RHOQ: variants seen among roughly 807,000 people sequenced by gnomAD.
RHOQ encodes the protein ras homolog family member Q.
Under a neutral mutation model 25.8 loss-of-function variants are expected in RHOQ, and 7 were observed. That is an observed-to-expected ratio of 0.27 (90% CI 0.15 to 0.51). RHOQ has a LOEUF of 0.51. Among genes scored for constraint, RHOQ ranks in the 20% least tolerant of loss-of-function variants. RHOQ has a pLI of 0.97. For missense variants in RHOQ, 165 were observed against 260.6 expected, an observed-to-expected ratio of 0.63 and a Z score of 2.53; for synonymous variants, 97 against 98.6, an observed-to-expected ratio of 0.98 and a Z score of 0.10.
intron 2 of RHOQ, chr2:46,568,606 A>C (rs1423078013): frequency 6.6e-6 from 1 of 152,212 alleles, no homozygotes; most frequent in South Asian, 2.1e-4. Context: ...CTCACTAGTC[A>C]TGCGGGCCTG....
intron 2 of RHOQ, among the ~76,000 whole-genome samples, chr2:46,565,588 C>T (rs937980772): frequency 6.6e-6 from 1 of 152,174 alleles, no homozygotes; most frequent in Non-Finnish European, 1.5e-5. Flanking sequence ...ACATCAGCAG[C>T]CTGAGAAATT....
In RHOQ at chr2:46,576,540, T is replaced by A. The variant is rs764911792; in HGVS notation, c.367-21T>A. On this transcript the variant is annotated intron_variant, in intron 3 of 4. Transcript: ENST00000238738. The surrounding 1 kb of genome is among the most constrained non-coding windows in gnomAD (Gnocchi z 5.1). ...TAAAGATTTGTAATATTATGGGACA[T>A]TATTGACCTTTCTTAATTAGATTGA... The A allele has an allele frequency of 7.8e-6, 11 of 1,415,832 alleles. No homozygotes were observed. The East Asian group carries it at 2.5e-4, about 32-fold the overall frequency. 87.7% of individuals were successfully genotyped at this position (1,415,832 alleles called of 1,614,324 possible).
rs1326467268 is a variant in RHOQ at position 46,577,669 on chromosome 2, C to T, written c.462+1013C>T. On this transcript the variant is annotated intron_variant, in intron 4 of 4. Transcript: ENST00000238738. ...TGGCCTCATGATCTGCCCACCTCAT[C>T]CTCCCAAAGTGCTAGGATTACAGGC... Among the ~76,000 whole-genome samples, 4 of 148,816 alleles carry T rather than the reference C, an allele frequency of 2.7e-5. No individual in the cohort carries two copies. The East Asian group carries it at 8.0e-4, about 30-fold the overall frequency.
Position 46,580,917 on chromosome 2 carries a change from C to T in RHOQ, c.463-11C>T, listed in dbSNP as rs138693997. 2.0e-6 allele frequency: 3 copies of T among 1,465,272 alleles called. No homozygotes were observed. Among genetic ancestry groups the T allele is most frequent in the Admixed American group, 2.6e-5 (1 of 38,644 alleles). 90.8% of individuals were successfully genotyped at this position (1,465,272 alleles called of 1,614,324 possible). A position where few individuals can be genotyped will look rare whatever the true frequency, so the allele number is the denominator to read the frequency against. On this transcript the variant is annotated splice_polypyrimidine_tract_variant and intron_variant, in intron 4 of 4. Coordinates refer to ENST00000238738, the MANE Select transcript of RHOQ (RefSeq NM_012249.4). ...ATCTTATATATTTGTGATTTTTTTT[C>T]TCCCTCCCAGATAGGAGCATGCTGC...
chr2:46,551,639 TAGAA>T (rs1475238904), intron 2 of RHOQ, among the ~76,000 whole-genome samples: 4 of 152,174 alleles, frequency 2.6e-5, no homozygotes, highest in East Asian at 3.9e-4. Context: ...TTGATTTTAA[TAGAA>T]AGAAAAGAAT....
At position 46,584,469 on chromosome 2, in the gene RHOQ, T is replaced by C. The variant is rs976855981; in HGVS notation, c.*3386T>C. ...ATTGTATTTTAATCATTTTGTAATT[T>C]CAGTATGGCTCTTTGTTCTCAAACA... is the stretch of plus-strand genomic sequence containing the variant. On this transcript the variant is annotated 3_prime_UTR_variant, in exon 5 of 5. Transcript: ENST00000238738. 6.6e-5 allele frequency among the ~76,000 whole-genome samples: 10 copies of C among 152,186 alleles called. No individual in the cohort carries two copies. The highest frequency in any genetic ancestry group is 1.5e-4 in the Non-Finnish European group (10 of 68,010).
Position 46,583,434 on chromosome 2 carries a change from T to TA in RHOQ, c.*2356dup, listed in dbSNP as rs910784090. Among the ~76,000 whole-genome samples, 18 of 152,254 alleles carry TA rather than the reference T, an allele frequency of 1.2e-4. No homozygotes were observed. The highest frequency in any genetic ancestry group is 4.3e-4 in the African/African-American group (18 of 41,578). ...TTTCAGCTTCACATTCTCAAGATGG[T>TA]AAAAATCATGTATATAGATTATCAG... is the stretch of plus-strand genomic sequence containing the variant. On this transcript the variant is annotated 3_prime_UTR_variant, in exon 5 of 5. Coordinates refer to ENST00000238738, the MANE Select transcript of RHOQ (RefSeq NM_012249.4).
intron 2 of RHOQ, among the ~76,000 whole-genome samples, chr2:46,572,034 G>C (rs1034341533): frequency 9.3e-5 from 14 of 149,848 alleles, no homozygotes; most frequent in Non-Finnish European, 1.2e-4. Context: ...GGCATTGGAA[G>C]AGCTTTTGTT....
At position 46,576,123 on chromosome 2, in the gene RHOQ, A is replaced by T. The variant is rs557488131; in HGVS notation, c.238A>T (p.Met80Leu). The change falls in exon 3 of 5, where the codon ATG becomes TTG. Residue 80 changes from methionine (M) to leucine (L), a missense_variant. Coordinates refer to ENST00000238738, the MANE Select transcript of RHOQ (RefSeq NM_012249.4). This position sits in a 1 kb window ranked among gnomAD's most constrained non-coding sequence, Gnocchi z 5.1. ...YDRLRPLSYP[M>L]TDVFLICFSV... ...CCGTCTGAGGCCTTTATCTTACCCA[A>T]TGACCGATGTCTTCCTTATATGCTT... The T allele has an allele frequency of 1.4e-5, 23 of 1,611,266 alleles. No homozygotes were observed. The highest frequency in any genetic ancestry group is 2.0e-5 in the Non-Finnish European group (23 of 1,178,880).
chr2:46,544,862 G>T (rs1572731939), intron 2 of RHOQ, among the ~76,000 whole-genome samples: 2 of 152,296 alleles, frequency 1.3e-5, no homozygotes. Flanking sequence ...ATGATCCCCT[G>T]GTGCAGATAT....
At position 46,576,492 on chromosome 2, in the gene RHOQ, G is replaced by T; in HGVS notation, c.367-69G>T. On this transcript the variant is annotated intron_variant, in intron 3 of 4. Coordinates refer to ENST00000238738, the MANE Select transcript of RHOQ (RefSeq NM_012249.4). The surrounding 1 kb of genome is among the most constrained non-coding windows in gnomAD (Gnocchi z 5.1). Reference sequence around the variant, plus strand: ...TTTTTGGTATGTGGGAATTAAGTGGGATTACATGCTTTGATTTTTCTTTAA... The same window carrying T: ...TTTTTGGTATGTGGGAATTAAGTGGTATTACATGCTTTGATTTTTCTTTAA... 1.0e-6 allele frequency: 1 copy of T among 1,002,670 alleles called. No homozygotes were observed. Among genetic ancestry groups the T allele is most frequent in the South Asian group, 1.5e-5 (1 of 65,236 alleles). The allele number at this position is 1,002,670 out of a possible 1,614,324, so 62.1% of individuals were successfully genotyped here.
intron 4 of RHOQ, among the ~76,000 whole-genome samples, chr2:46,578,194 G>T (rs1669203035): frequency 6.6e-6 from 1 of 152,002 alleles, no homozygotes; most frequent in South Asian, 2.1e-4. Flanking sequence ...TATAGAATTG[G>T]CAAAAAATGA....
In RHOQ at chr2:46,551,469, G is replaced by A. The variant is rs72875690; in HGVS notation, c.201+7657G>A. Among the ~76,000 whole-genome samples, 271 of 152,200 alleles carry A rather than the reference G, an allele frequency of 1.8e-3. 1 individual carries two copies. The highest frequency in any genetic ancestry group is 6.1e-3 in the African/African-American group (252 of 41,518). On this transcript the variant is annotated intron_variant, in intron 2 of 4. Transcript: ENST00000238738. ...TGGGAAGAATAGTGTAGGGAGGAAC[G>A]GCAGAGGGGGTGACCCCAAAGCGTC...
chr2:46,551,665 G>A (rs558400500), intron 2 of RHOQ, among the ~76,000 whole-genome samples: 1 of 152,272 alleles, frequency 6.6e-6, no homozygotes, highest in Admixed American at 6.5e-5. Flanking sequence ...TGGGGAAAGG[G>A]GTCTTTATTG....
rs376983227 is a variant in RHOQ, at chr2:46,546,416, T to TTA, written c.201+2618_201+2619dup. ...AAAGTAAATAAAAAACATTAAGGGT[T>TTA]TATATATATATATATGTATCCGTAT... On this transcript the variant is annotated intron_variant, in intron 2 of 4. Transcript: ENST00000238738. Among the ~76,000 whole-genome samples, 1,111 of 129,896 alleles carry TTA rather than the reference T, an allele frequency of 8.6e-3. 10 individuals are homozygous for TTA. Among genetic ancestry groups the TTA allele is most frequent in the Non-Finnish European group, 0.011 (679 of 61,152 alleles). The allele number at this position is 129,896 out of a possible 152,430, so 85.2% of individuals were successfully genotyped here.
intron 2 of RHOQ, among the ~76,000 whole-genome samples, chr2:46,546,499 TATATATATATATGTATATAC>T (rs1265328791): frequency 0.047 from 947 of 20,276 alleles, 136 homozygotes; most frequent in South Asian, 0.086. Flanking sequence ...TATATATATA[TATATATATATATGTATATAC>T]ATATATATAT....
chr2:46,579,059 G>A (rs140316953), intron 4 of RHOQ, among the ~76,000 whole-genome samples: 3 of 152,220 alleles, frequency 2.0e-5, no homozygotes, highest in African/African-American at 7.2e-5. Flanking sequence ...AAAATTCCCT[G>A]CATCTATTAA....
chr2:46,556,410 G>C lies in RHOQ; in HGVS notation c.201+12598G>C, dbSNP rs567928820. ...GTTGTGCACTTGTGGTGCTGCCTTC[G>C]CCCCTGGCTCAGGTAGAGGCGAGGG... On this transcript the variant is annotated intron_variant, in intron 2 of 4. Transcript: ENST00000238738. This position sits in a 1 kb window ranked among gnomAD's most constrained non-coding sequence, Gnocchi z 4.9. 6.6e-6 allele frequency among the ~76,000 whole-genome samples: 1 copy of C among 151,886 alleles called. No individual in the cohort carries two copies. The highest frequency in any genetic ancestry group is 1.5e-5 in the Non-Finnish European group (1 of 67,988).
chr2:46,550,934 G>A (rs891736228), intron 2 of RHOQ, among the ~76,000 whole-genome samples: 4 of 152,156 alleles, frequency 2.6e-5, no homozygotes, highest in African/African-American at 7.2e-5. Context: ...AGTTCATCGT[G>A]TGAAATTGAG....
Sources: gnomAD v4.1 joint callset for allele counts (sites outside exome capture counted in the v4.1 genomes callset) on GRCh38, gnomAD v4.1.1 for gene constraint, Gnocchi (gnomAD v3.1) non-coding constraint, MANE v1.5 for transcripts, NCBI Gene and HGNC (gene_info 2026-07-23, HGNC 2026-07-21) for gene names.